ARHGAP27: variants seen among roughly 807,000 people sequenced by gnomAD.
The protein encoded by ARHGAP27 is Rho GTPase activating protein 27.
Under a neutral mutation model 102.0 loss-of-function variants are expected in ARHGAP27, and 53 were observed. The observed-to-expected ratio is 0.52, with a 90% CI of 0.42 to 0.65. The LOEUF is 0.65. Among genes scored for constraint, ARHGAP27 ranks in the 30% least tolerant of loss-of-function variants. ARHGAP27 has a pLI of 0.00. For synonymous variants in ARHGAP27, 525 were observed against 542.8 expected (o/e 0.97, Z 0.46); for missense variants, 1,117 against 1,256.2 (o/e 0.89, Z 1.68).
intron 4 of ARHGAP27, among the ~76,000 whole-genome samples, chr17:45,413,342 T>C (rs1167807872): frequency 6.6e-6 from 1 of 152,108 alleles, no homozygotes; most frequent in Admixed American, 6.6e-5. Context: ...GGTGAGACCC[T>C]TTTCTTGGGC....
rs1374601044 is a variant in ARHGAP27 at position 45,430,328 on chromosome 17, G to A, written c.-18-31C>T. The A allele has an allele frequency of 7.2e-6, 11 of 1,517,516 alleles. No homozygotes were observed. In the East Asian group the frequency reaches 2.8e-4, roughly 38 times the overall value. The allele number at this position is 1,517,516 out of a possible 1,614,324, so 94.0% of individuals were successfully genotyped here. ...GGCAACAAGAAGGAGGGCCGCGGAG[G>A]TCAAGACCACCGAGCCTGGAATAGC... On this transcript the variant is annotated intron_variant, in intron 3 of 19. Transcript: ENST00000685559. This position sits in a 1 kb window ranked among gnomAD's most constrained non-coding sequence, Gnocchi z 4.4.
intron 4 of ARHGAP27, among the ~76,000 whole-genome samples, chr17:45,421,561 C>A (rs1359496625): frequency 2.0e-5 from 3 of 152,076 alleles, no homozygotes; most frequent in Non-Finnish European, 4.4e-5. Context: ...CCGGAGTCTA[C>A]AGAGTGACAG....
intron 17 of ARHGAP27, 38 bp downstream of exon 17, chr17:45,396,169 C>A (rs778859341): frequency 6.3e-7 from 1 of 1,594,044 alleles, no homozygotes; most frequent in African/African-American, 1.3e-5. Flanking sequence ...CCCCTTGCGC[C>A]TTCAGGCCCT....
intron 4 of ARHGAP27, among the ~76,000 whole-genome samples, chr17:45,418,785 C>T (rs184656630): frequency 1.8e-4 from 27 of 152,206 alleles, no homozygotes; most frequent in Non-Finnish European, 3.2e-4. Context: ...CATCATGGGA[C>T]CCTGGGGAGA....
At chr17:45,432,634 G>C (rs1035890116) in intron 1 of ARHGAP27, 118 bp downstream of exon 1, 3 of 151,330 alleles carry the variant, frequency 2.0e-5, no homozygotes, top group Non-Finnish European at 3.0e-5. Flanking sequence ...TCCCGGGTGC[G>C]GACCCGCCAC....
Position 45,396,037 on chromosome 17 carries a change from G to A in ARHGAP27, c.2332C>T (p.Leu778=), listed in dbSNP as rs767894194. Residue 778 remains leucine (L), a synonymous_variant, in exon 18 of 20, where the codon CTG becomes TTG. Coordinates refer to ENST00000685559, the MANE Select transcript of ARHGAP27 (RefSeq NM_001282290.2). ...TGALKLFFRE[L]PEPLFPFSHF... ...GAGAAGGGGAAGAGGGGCTCGGGCAGCTCCCGAAAGAAGAGCTTCAGGGCT... is the reference window on the plus strand; with the variant it reads ...GAGAAGGGGAAGAGGGGCTCGGGCAACTCCCGAAAGAAGAGCTTCAGGGCT... The A allele has an allele frequency of 1.2e-6, 2 of 1,613,872 alleles. No individual in the cohort carries two copies. Among genetic ancestry groups the A allele is most frequent in the Admixed American group, 1.7e-5 (1 of 59,968 alleles).
chr17:45,396,794 C>T lies in ARHGAP27; in HGVS notation c.1952-4G>A, dbSNP rs778020696. ...ACGGGGCCCAGGGCGGGCGCGGCTG[C>T]CGCGGGGAAAGGCAGGACTGAGTCA... On this transcript the variant is annotated splice_polypyrimidine_tract_variant and splice_region_variant and intron_variant, in intron 14 of 19. Transcript: ENST00000685559. 1 of 1,609,786 alleles carries T rather than the reference C, an allele frequency of 6.2e-7. No homozygotes were observed. The highest frequency in any genetic ancestry group is 1.1e-5 in the South Asian group (1 of 90,636).
intron 3 of ARHGAP27, among the ~76,000 whole-genome samples, chr17:45,431,387 G>A (rs1296841887): frequency 6.6e-6 from 1 of 152,236 alleles, no homozygotes; most frequent in East Asian, 1.9e-4. Flanking sequence ...CCCGGACCCG[G>A]GGCCAGGAGA....
chr17:45,412,774 G>A (rs1426065659), intron 4 of ARHGAP27, among the ~76,000 whole-genome samples: 1 of 152,106 alleles, frequency 6.6e-6, no homozygotes, highest in African/African-American at 2.4e-5. Context: ...GATCGGAGGA[G>A]CTGGGGGTGA....
At chr17:45,402,575 GC>G in intron 12 of ARHGAP27, 138 bp downstream of exon 12, 1 of 740,666 alleles carries the variant, frequency 1.4e-6, no homozygotes. Flanking sequence ...TATTAATACA[GC>G]CAAAAGCTGC....
chr17:45,425,712 G>T, intron 4 of ARHGAP27: 2 of 923,196 alleles, frequency 2.2e-6, no homozygotes, highest in Non-Finnish European at 2.6e-6. Flanking sequence ...TGCCCCAGCA[G>T]CAGGGGCGGG....
chr17:45,429,255 T>C (rs529958775), intron 4 of ARHGAP27: 1 of 553,814 alleles, frequency 1.8e-6, no homozygotes, highest in African/African-American at 2.0e-5. Flanking sequence ...CAGCAGGGCT[T>C]GGGGCAGCAG....
At position 45,427,925 on chromosome 17, in the gene ARHGAP27, CT is replaced by C. The variant is rs914028885; in HGVS notation, c.657+1697del. 2.6e-5 allele frequency among the ~76,000 whole-genome samples: 4 copies of C among 152,212 alleles called. No individual in the cohort carries two copies. The highest frequency in any genetic ancestry group is 9.7e-5 in the African/African-American group (4 of 41,450). ...CCTGGCAGCCGGGGTGATCTGTCTTCTCAGGAGATGTCAGGACCTGGGCAGT... is the reference window on the plus strand; with the variant it reads ...CCTGGCAGCCGGGGTGATCTGTCTTCCAGGAGATGTCAGGACCTGGGCAGT... On this transcript the variant is annotated intron_variant, in intron 4 of 19. Coordinates refer to ENST00000685559, the MANE Select transcript of ARHGAP27 (RefSeq NM_001282290.2). This position sits in a 1 kb window ranked among gnomAD's most constrained non-coding sequence, Gnocchi z 4.5.
At chr17:45,398,584 A>G (rs890877674) in intron 12 of ARHGAP27, among the ~76,000 whole-genome samples, 1 of 152,070 alleles carries the variant, frequency 6.6e-6, no homozygotes, top group Admixed American at 6.6e-5. Flanking sequence ...AAATACAAAA[A>G]TTAGCCAGGC....
intron 19 of ARHGAP27, 40 bp downstream of exon 19, chr17:45,395,704 G>A (rs754194245): frequency 6.4e-7 from 1 of 1,569,218 alleles, no homozygotes; most frequent in South Asian, 1.2e-5. Flanking sequence ...GCTTCAGCCG[G>A]GACCTGCCTC....
chr17:45,427,603 TG>T lies in ARHGAP27; in HGVS notation c.657+2019del, dbSNP rs2049745427. On this transcript the variant is annotated intron_variant, in intron 4 of 19. Transcript: ENST00000685559. The surrounding 1 kb of genome is among the most constrained non-coding windows in gnomAD (Gnocchi z 4.5). ...GCCAACTCCCTACCCTGGACTTTGT[TG>T]GGGGTGGAGCACCAGGGAGACCCAC... Among the ~76,000 whole-genome samples the T allele has an allele frequency of 6.6e-6, 1 of 152,176 alleles. No homozygotes were observed. The highest frequency in any genetic ancestry group is 1.5e-5 in the Non-Finnish European group (1 of 68,008).
At position 45,430,111 on chromosome 17, in the gene ARHGAP27, A is replaced by C; in HGVS notation, c.169T>G (p.Phe57Val). ...HVRREPGGRP[F>V]YLPAQYVREL... is the part of the protein sequence containing the mutation. ...CGCACGTACTGCGCAGGCAGGTAGA[A>C]GGGGCGGCCGCCGGGCTCACGCCGC... The change falls in exon 4 of 20, where the codon TTC (phenylalanine) becomes GTC (valine). Residue 57 changes from phenylalanine to valine, a missense_variant. Phe to Val is a conservative substitution (Grantham distance 50, BLOSUM62 -1). This residue lies in a region of ARHGAP27 where 610 missense variants were observed against 716.4 expected (regional missense o/e 0.85). Transcript: ENST00000685559. This position sits in a 1 kb window ranked among gnomAD's most constrained non-coding sequence, Gnocchi z 4.4. The C allele has an allele frequency of 6.6e-7, 1 of 1,517,110 alleles. No individual in the cohort carries two copies. Among genetic ancestry groups the C allele is most frequent in the South Asian group, 1.2e-5 (1 of 82,770 alleles). 94.0% of individuals were successfully genotyped at this position (1,517,110 alleles called of 1,614,324 possible).
chr17:45,405,536 G>T, intron 5 of ARHGAP27, 140 bp downstream of exon 5: 1 of 1,209,286 alleles, frequency 8.3e-7, no homozygotes, highest in Non-Finnish European at 1.1e-6. Context: ...GGGAGCAGGA[G>T]AAGGGGTCAA....
chr17:45,395,904 G>A (rs1809317689), intron 18 of ARHGAP27, 55 bp from the exon 19 acceptor site: 2 of 1,569,660 alleles, frequency 1.3e-6, no homozygotes, highest in Non-Finnish European at 1.7e-6. Context: ...AGGGGGTATC[G>A]GCTGGGCGAG....
Sources: gnomAD v4.1 joint callset for allele counts (sites outside exome capture counted in the v4.1 genomes callset) on GRCh38, gnomAD v4.1.1 for gene constraint, gnomAD v4.1.1 regional missense constraint, Gnocchi (gnomAD v3.1) non-coding constraint, MANE v1.5 for transcripts, NCBI Gene and HGNC (gene_info 2026-07-23, HGNC 2026-07-21) for gene names.